The following B4GALT1 variants were observed in gnomAD, a reference collection of about 807,000 sequenced individuals.
B4GALT1 encodes the protein beta-1,4-galactosyltransferase 1, also known as N-acetyllactosamine synthase.
B4GALT1 carries 16 observed loss-of-function variants against 34.9 expected under a neutral mutation model. The ratio of observed to expected loss-of-function variants is 0.46; its 90% confidence interval spans 0.31 to 0.70. B4GALT1 has a LOEUF of 0.70. Among genes scored for constraint, B4GALT1 ranks in the 30% least tolerant of loss-of-function variants. The probability of loss-of-function intolerance (pLI) is 0.05; values close to 1 mark genes in which losing one functional copy is unlikely to be tolerated. For synonymous variants in B4GALT1, 221 were observed against 218.1 expected (o/e 1.01, Z -0.12); for missense variants, 445 against 530.5 (o/e 0.84, Z 1.58).
chr9:33,180,994 C>A, the B4GALT1 span, among the ~76,000 whole-genome samples: 1 of 152,092 alleles, frequency 6.6e-6, no homozygotes, highest in Admixed American at 6.5e-5. Context: ...TGTTAAAGGC[C>A]GACCCAGTTT....
chr9:33,165,712 G>C, intron 1 of B4GALT1, among the ~76,000 whole-genome samples: 1 of 152,202 alleles, frequency 6.6e-6, no homozygotes, highest in East Asian at 1.9e-4. Context: ...CCTAGCATTA[G>C]AAATGAGAAA....
At chr9:33,183,542 C>A in the B4GALT1 span, among the ~76,000 whole-genome samples, 1 of 135,794 alleles carries the variant, frequency 7.4e-6, no homozygotes, top group East Asian at 2.2e-4. Context: ...GAACAAAAAA[C>A]GAAACACCGC....
At chr9:33,107,256 A>G (rs2117972145), downstream of B4GALT1, among the ~76,000 whole-genome samples, 1 of 152,256 alleles carries the variant, frequency 6.6e-6, no homozygotes, top group South Asian at 2.1e-4. Context: ...GACAAACCTC[A>G]TTTCCTTTCT....
downstream of B4GALT1, among the ~76,000 whole-genome samples, chr9:33,106,247 C>T (rs1040651877): frequency 1.3e-5 from 2 of 152,148 alleles, no homozygotes; most frequent in South Asian, 4.1e-4. Flanking sequence ...ATCTGCATTT[C>T]CACTTAAGGG....
At chr9:33,147,187 G>A (rs1840439409) in intron 1 of B4GALT1, among the ~76,000 whole-genome samples, 1 of 151,640 alleles carries the variant, frequency 6.6e-6, no homozygotes, top group Non-Finnish European at 1.5e-5. Context: ...TACATTTGCT[G>A]AATACAAGAA....
intron 3 of B4GALT1, among the ~76,000 whole-genome samples, chr9:33,119,813 T>A (rs1341515474): frequency 6.6e-6 from 1 of 152,112 alleles, no homozygotes; most frequent in Non-Finnish European, 1.5e-5. Flanking sequence ...CCAAAACTTG[T>A]GGGGCAAGAG....
Position 33,127,457 on chromosome 9 carries a change from T to C in B4GALT1, c.649-6851A>G, listed in dbSNP as rs769068942. ...AAAAGCTTCTCTTTCAGAAAGCAAT[T>C]TGGCCATCTGTATTAAGAACTATAA... is the stretch of plus-strand genomic sequence containing the variant. On this transcript the variant is annotated intron_variant, in intron 2 of 5. Transcript: ENST00000379731. Among the ~76,000 whole-genome samples, 97 of 152,300 alleles carry C rather than the reference T, an allele frequency of 6.4e-4. 1 individual carries two copies. The highest frequency in any genetic ancestry group is 1.2e-3 in the Non-Finnish European group (82 of 68,032).
chr9:33,120,378 A>G, intron 3 of B4GALT1, 41 bp downstream of exon 3: 1 of 1,606,090 alleles, frequency 6.2e-7, no homozygotes, highest in Non-Finnish European at 8.5e-7. Context: ...AACACATGAG[A>G]GAGACATGTT....
upstream of B4GALT1, among the ~76,000 whole-genome samples, chr9:33,171,358 C>T (rs115255487): frequency 1.7e-3 from 265 of 152,304 alleles, no homozygotes; most frequent in African/African-American, 5.3e-3. Flanking sequence ...TGGATCTCTC[C>T]ACAAAGGACT....
upstream of B4GALT1, among the ~76,000 whole-genome samples, chr9:33,170,958 G>A (rs926624322): frequency 6.6e-6 from 1 of 152,240 alleles, no homozygotes; most frequent in African/African-American, 2.4e-5. Context: ...CCATCCATGT[G>A]CTCATCTGCC....
At chr9:33,153,825 A>G (rs1840557260) in intron 1 of B4GALT1, among the ~76,000 whole-genome samples, 1 of 152,110 alleles carries the variant, frequency 6.6e-6, no homozygotes, top group African/African-American at 2.4e-5. Flanking sequence ...CAAAATACAG[A>G]AGAGGAAGGA....
At chr9:33,145,151 T>G (rs551542574) in intron 1 of B4GALT1, among the ~76,000 whole-genome samples, 2 of 152,258 alleles carry the variant, frequency 1.3e-5, no homozygotes, top group South Asian at 4.1e-4. Flanking sequence ...TGAGGCCTTT[T>G]GTTTCTAGGT....
At chr9:33,123,217 G>T (rs1330309676) in intron 2 of B4GALT1, among the ~76,000 whole-genome samples, 1 of 138,090 alleles carries the variant, frequency 7.2e-6, no homozygotes, top group Non-Finnish European at 1.5e-5. Flanking sequence ...GGTGGAGGTT[G>T]CAGTGAGCCA....
rs532205607 is a variant in B4GALT1 at position 33,165,984 on chromosome 9, C to A, written c.412+774G>T. Among the ~76,000 whole-genome samples the A allele has an allele frequency of 6.6e-5, 10 of 152,248 alleles. No individual in the cohort carries two copies. In the South Asian group the frequency reaches 2.1e-3, roughly 32 times the overall value. On this transcript the variant is annotated intron_variant, in intron 1 of 5. Coordinates refer to ENST00000379731, the MANE Select transcript of B4GALT1 (RefSeq NM_001497.4). ...TGTTGACTGGTTATATTTTAGCCCT[C>A]TAACACCCAGAGTACACAAGCTCTC... is the stretch of plus-strand genomic sequence containing the variant.
chr9:33,181,441 C>CACACACACACACACAT, the B4GALT1 span, among the ~76,000 whole-genome samples: 1 of 151,106 alleles, frequency 6.6e-6, no homozygotes, highest in East Asian at 1.9e-4. Flanking sequence ...CACACACACA[C>CACACACACACACACAT]ACACACACAC....
intron 1 of B4GALT1, among the ~76,000 whole-genome samples, chr9:33,146,307 TA>T (rs898387129): frequency 6.6e-6 from 1 of 152,268 alleles, no homozygotes; most frequent in Admixed American, 6.5e-5. Context: ...TACTTGCCTA[TA>T]AACTCCATAT....
chr9:33,127,788 C>T (rs78998639), intron 2 of B4GALT1, among the ~76,000 whole-genome samples: 7,807 of 152,254 alleles, frequency 0.051, 261 homozygotes, highest in Non-Finnish European at 0.068. Context: ...AAGCAGGATA[C>T]AAAAGTTTAT....
chr9:33,105,048 G>C (rs1839785494), intron 2 of B4GALT1, among the ~76,000 whole-genome samples: 2 of 151,922 alleles, frequency 1.3e-5, no homozygotes, highest in South Asian at 2.1e-4. Flanking sequence ...TCAAACTCCT[G>C]ACCTCAAGTG....
chr9:33,174,977 AAAAAAAAAAAAAAAT>A, the B4GALT1 span, among the ~76,000 whole-genome samples: 11 of 41,988 alleles, frequency 2.6e-4, no homozygotes, highest in African/African-American at 6.9e-4. Flanking sequence ...AAAAAAAAAA[AAAAAAAAAAAAAAAT>A]ATATATATAT....
Sources: allele counts gnomAD v4.1 joint callset (sites outside exome capture counted in the v4.1 genomes callset), GRCh38; gene constraint gnomAD v4.1.1; transcripts MANE v1.5; gene names NCBI Gene and HGNC (gene_info 2026-07-23, HGNC 2026-07-21).